CYTH3: variants seen among roughly 807,000 people sequenced by gnomAD.
The protein encoded by CYTH3 is cytohesin 3, also known as cytohesin-3.
In CYTH3, 23 loss-of-function variants were observed where a neutral mutation model predicts 55.1. That is an observed-to-expected ratio of 0.42 (90% confidence interval 0.30 to 0.59). CYTH3 has a LOEUF of 0.59. CYTH3 is among the 20% of genes least tolerant of loss of function. CYTH3 has a pLI of 0.20. For synonymous variants in CYTH3, 249 were observed against 194.9 expected (o/e 1.28, Z -2.31); for missense variants, 413 against 524.8 (o/e 0.79, Z 2.08).
chr7:6,218,427 G>A (rs1193907357), intron 1 of CYTH3, among the ~76,000 whole-genome samples: 2 of 152,122 alleles, frequency 1.3e-5, no homozygotes, highest in Non-Finnish European at 2.9e-5. Context: ...GATGGAGCAC[G>A]GCCCATTGGA....
At chr7:6,186,279 G>A (rs1381390131) in intron 4 of CYTH3, among the ~76,000 whole-genome samples, 1 of 148,120 alleles carries the variant, frequency 6.8e-6, no homozygotes, top group East Asian at 2.0e-4. Context: ...CAGACCGACT[G>A]AAGACCACAG....
chr7:6,172,695 T>C, intron 6 of CYTH3: 1 of 1,091,350 alleles, frequency 9.2e-7, no homozygotes, highest in Non-Finnish European at 1.1e-6. Flanking sequence ...GAGTCACAGC[T>C]GCAAGGGCCG....
At chr7:6,252,274 T>A (rs1779990540) in intron 1 of CYTH3, among the ~76,000 whole-genome samples, 1 of 152,234 alleles carries the variant, frequency 6.6e-6, no homozygotes, top group Non-Finnish European at 1.5e-5. Context: ...TTTTGAAGAA[T>A]CTTTGCCCTA....
intron 1 of CYTH3, among the ~76,000 whole-genome samples, chr7:6,255,826 C>A (rs1050993562): frequency 1.4e-5 from 2 of 142,744 alleles, no homozygotes; most frequent in East Asian, 4.1e-4. Flanking sequence ...TGCAGTGGCG[C>A]GATCTCTGCT....
chr7:6,198,994 G>A (rs1004624941), intron 1 of CYTH3, among the ~76,000 whole-genome samples: 3 of 152,216 alleles, frequency 2.0e-5, no homozygotes, highest in Non-Finnish European at 4.4e-5. Context: ...ATGAGTCTGT[G>A]CAGCACATAC....
intron 1 of CYTH3, among the ~76,000 whole-genome samples, chr7:6,197,657 T>G (rs559238798): frequency 1.3e-5 from 2 of 152,070 alleles, no homozygotes; most frequent in Non-Finnish European, 2.9e-5. Context: ...CCCTCCAGCC[T>G]GGGCAACAAG....
Position 6,222,082 on chromosome 7 carries a change from G to C in CYTH3, c.35-31551C>G, listed in dbSNP as rs370745387. On this transcript the variant is annotated intron_variant, in intron 1 of 12. Transcript: ENST00000350796. ...TCTGACCTCCAGTCATACAGGTCCT[G>C]GCAGCCATTCCAGGGAAAAGCAGCA... 2.6e-5 allele frequency among the ~76,000 whole-genome samples: 4 copies of C among 152,310 alleles called. No homozygotes were observed. The East Asian group carries it at 7.7e-4, about 29-fold the overall frequency.
chr7:6,173,311 G>A (rs1260546885), intron 6 of CYTH3, among the ~76,000 whole-genome samples: 2 of 152,150 alleles, frequency 1.3e-5, no homozygotes, highest in Non-Finnish European at 2.9e-5. Flanking sequence ...AGTGTGGAAG[G>A]AAGTAACCCC....
At chr7:6,259,830 A>AT (rs1780302413) in intron 1 of CYTH3, among the ~76,000 whole-genome samples, 1 of 20,254 alleles carries the variant, frequency 4.9e-5, no homozygotes, top group Non-Finnish European at 7.1e-5. Flanking sequence ...ATATATATAT[A>AT]TATTTTTTTT....
chr7:6,221,880 A>T (rs1410174349), intron 1 of CYTH3, among the ~76,000 whole-genome samples: 1 of 152,180 alleles, frequency 6.6e-6, no homozygotes, highest in Admixed American at 6.5e-5. Context: ...TGAAGCCTAG[A>T]ATCCGAGGCT....
At chr7:6,192,407 G>A (rs1395691983) in intron 1 of CYTH3, among the ~76,000 whole-genome samples, 2 of 150,938 alleles carry the variant, frequency 1.3e-5, no homozygotes, top group African/African-American at 4.9e-5. Flanking sequence ...TAAATTTAAA[G>A]ACAGGGTCTT....
intron 9 of CYTH3, among the ~76,000 whole-genome samples, chr7:6,166,480 C>A (rs1051460193): frequency 6.6e-6 from 1 of 152,230 alleles, no homozygotes; most frequent in Admixed American, 6.5e-5. Flanking sequence ...GCCCTCTCTG[C>A]CCCATGCCTC....
rs760074285 is a variant in CYTH3 at position 6,170,605 on chromosome 7, C to T, written c.753G>A (p.Pro251=). The change falls in exon 9 of 13, where the codon CCG becomes CCA. Residue 251 remains proline (P), a synonymous_variant. Coordinates refer to ENST00000350796, the MANE Select transcript of CYTH3 (RefSeq NM_004227.4). This position sits in a 1 kb window ranked among gnomAD's most constrained non-coding sequence, Gnocchi z 7.8. The part of the protein sequence containing the change: ...ESIKNEPFKI[P]EDDGNDLTHT... The stretch of plus-strand genomic sequence containing the variant: ...GGGTCAGGTCGTTCCCGTCGTCCTC[C>T]GGGATCTTAAATGGCTCGTTCTTAA... 1.9e-6 allele frequency: 3 copies of T among 1,613,888 alleles called. No homozygotes were observed. Among genetic ancestry groups the T allele is most frequent in the Admixed American group, 1.7e-5 (1 of 59,996 alleles).
chr7:6,248,362 A>T (rs796789029), intron 1 of CYTH3, among the ~76,000 whole-genome samples: 2 of 151,990 alleles, frequency 1.3e-5, no homozygotes, highest in African/African-American at 4.8e-5. Context: ...ATGCATATAT[A>T]AACTGCACTG....
chr7:6,199,997 G>C (rs1162205381), intron 1 of CYTH3, among the ~76,000 whole-genome samples: 2 of 152,070 alleles, frequency 1.3e-5, no homozygotes, highest in African/African-American at 4.8e-5. Flanking sequence ...AAGAAATTCA[G>C]AATCATTCCC....
At chr7:6,202,236 T>C (rs527456201) in intron 1 of CYTH3, among the ~76,000 whole-genome samples, 32 of 152,204 alleles carry the variant, frequency 2.1e-4, no homozygotes, top group Non-Finnish European at 3.5e-4. Flanking sequence ...ATGAAATCCA[T>C]TGTGTAAAGA....
intron 1 of CYTH3, among the ~76,000 whole-genome samples, chr7:6,203,690 T>C (rs1784113497): frequency 6.6e-6 from 1 of 152,048 alleles, no homozygotes; most frequent in Admixed American, 6.6e-5. Context: ...GCTTCAGGAA[T>C]ACCTTGACCA....
intron 1 of CYTH3, among the ~76,000 whole-genome samples, chr7:6,268,765 C>T (rs925106164): frequency 6.6e-6 from 1 of 152,052 alleles, no homozygotes; most frequent in Non-Finnish European, 1.5e-5. Context: ...CTATCAGGGT[C>T]CACCCAGAGA....
intron 1 of CYTH3, among the ~76,000 whole-genome samples, chr7:6,229,517 A>C (rs1474656624): frequency 6.6e-6 from 1 of 152,026 alleles, no homozygotes; most frequent in Non-Finnish European, 1.5e-5. Context: ...GGCTCATAGA[A>C]CATATCTCAG....
Sources: allele counts gnomAD v4.1 joint callset (sites outside exome capture counted in the v4.1 genomes callset), GRCh38; gene constraint gnomAD v4.1.1; non-coding constraint Gnocchi (gnomAD v3.1); transcripts MANE v1.5; gene names NCBI Gene and HGNC (gene_info 2026-07-23, HGNC 2026-07-21).